DRC11: variants seen among roughly 807,000 people sequenced by gnomAD.
DRC11 encodes IQ and AAA domain-containing protein 1.
At chr2:236,371,472 G>A in the DRC11 span, among the ~76,000 whole-genome samples, 3,465 of 152,138 alleles carry the variant, frequency 0.023, 55 homozygotes, top group Non-Finnish European at 0.032. This position sits in a 1 kb window ranked among gnomAD's most constrained non-coding sequence, Gnocchi z 5.1. Context: ...GCATTCCCAA[G>A]CCCCCTGAGT....
At chr2:236,307,083 C>G in the DRC11 span, among the ~76,000 whole-genome samples, 3 of 152,148 alleles carry the variant, frequency 2.0e-5, no homozygotes, top group Non-Finnish European at 4.4e-5. The surrounding 1 kb of genome is among the most constrained non-coding windows in gnomAD (Gnocchi z 7.0). Context: ...TCCTCAGAGT[C>G]AGGTCCTTCC....
the DRC11 span, among the ~76,000 whole-genome samples, chr2:236,414,685 G>A: frequency 4.6e-5 from 7 of 152,086 alleles, no homozygotes; most frequent in Non-Finnish European, 8.8e-5. Flanking sequence ...ATCCCAGAAT[G>A]TTCTGTTTTC....
the DRC11 span, among the ~76,000 whole-genome samples, chr2:236,336,584 G>T: frequency 6.6e-6 from 1 of 151,856 alleles, no homozygotes; most frequent in Admixed American, 6.6e-5. This position sits in a 1 kb window ranked among gnomAD's most constrained non-coding sequence, Gnocchi z 7.3. Context: ...CCTCCCCAGA[G>T]CCACCCACAC....
the DRC11 span, among the ~76,000 whole-genome samples, chr2:236,482,930 T>G: frequency 6.6e-6 from 1 of 152,190 alleles, no homozygotes; most frequent in African/African-American, 2.4e-5. This position sits in a 1 kb window ranked among gnomAD's most constrained non-coding sequence, Gnocchi z 4.5. Flanking sequence ...TAACTATTTT[T>G]CAGTGTGCCA....
the DRC11 span, among the ~76,000 whole-genome samples, chr2:236,413,093 A>T: frequency 6.6e-6 from 1 of 152,108 alleles, no homozygotes; most frequent in African/African-American, 2.4e-5. This position sits in a 1 kb window ranked among gnomAD's most constrained non-coding sequence, Gnocchi z 4.0. Flanking sequence ...GGTGCCTAAG[A>T]TCATCACTCT....
At chr2:236,380,537 G>A in the DRC11 span, 154 of 1,516,148 alleles carry the variant, frequency 1.0e-4, 2 homozygotes, top group South Asian at 1.2e-3. The surrounding 1 kb of genome is among the most constrained non-coding windows in gnomAD (Gnocchi z 4.9). Context: ...GGCTGCTCAC[G>A]CGCATCACAA....
the DRC11 span, among the ~76,000 whole-genome samples, chr2:236,432,535 T>C: frequency 4.1e-4 from 63 of 152,318 alleles, no homozygotes; most frequent in African/African-American, 1.3e-3. Context: ...TTATTATGTT[T>C]CGAATTCATT....
At chr2:236,438,394 T>C in the DRC11 span, among the ~76,000 whole-genome samples, 16 of 147,912 alleles carry the variant, frequency 1.1e-4, no homozygotes, top group Middle Eastern at 3.2e-3. Flanking sequence ...CCAGCTTTGT[T>C]CTTTTGGCTT....
chr2:236,393,740 G>A, the DRC11 span, among the ~76,000 whole-genome samples: 1 of 152,178 alleles, frequency 6.6e-6, no homozygotes, highest in African/African-American at 2.4e-5. This position sits in a 1 kb window ranked among gnomAD's most constrained non-coding sequence, Gnocchi z 4.7. Flanking sequence ...GGGAGACTCT[G>A]AGGCAAACTC....
At chr2:236,399,267 G>C in the DRC11 span, 2 of 697,154 alleles carry the variant, frequency 2.9e-6, no homozygotes, top group Admixed American at 4.9e-5. This position sits in a 1 kb window ranked among gnomAD's most constrained non-coding sequence, Gnocchi z 7.0. Context: ...TGGGATTACA[G>C]GCGCAAGCCA....
At chr2:236,389,531 TGCG>T in the DRC11 span, among the ~76,000 whole-genome samples, 6 of 152,138 alleles carry the variant, frequency 3.9e-5, no homozygotes, top group Non-Finnish European at 7.4e-5. Flanking sequence ...TCGCGACCGG[TGCG>T]CGCACCCACT....
the DRC11 span, chr2:236,408,941 G>C: frequency 1.4e-6 from 1 of 694,462 alleles, no homozygotes; most frequent in Non-Finnish European, 2.7e-6. This position sits in a 1 kb window ranked among gnomAD's most constrained non-coding sequence, Gnocchi z 5.5. Flanking sequence ...TGTATCCCAG[G>C]AAGGCTGCGA....
At chr2:236,485,751 A>C in the DRC11 span, among the ~76,000 whole-genome samples, 1 of 152,334 alleles carries the variant, frequency 6.6e-6, no homozygotes, top group Admixed American at 6.5e-5. Flanking sequence ...TGGGATCTGC[A>C]GGAAGGCCAA....
chr2:236,308,836 C>T, the DRC11 span, among the ~76,000 whole-genome samples: 2 of 152,188 alleles, frequency 1.3e-5, no homozygotes, highest in African/African-American at 2.4e-5. This position sits in a 1 kb window ranked among gnomAD's most constrained non-coding sequence, Gnocchi z 6.0. Flanking sequence ...TATTGGACCA[C>T]CACACTGTGC....
the DRC11 span, among the ~76,000 whole-genome samples, chr2:236,489,094 T>C: frequency 1.6e-5 from 2 of 127,166 alleles, no homozygotes; most frequent in African/African-American, 3.1e-5. Context: ...GTGTGGGCTC[T>C]GGGTGCAGGT....
chr2:236,338,344 G>A, the DRC11 span: 1 of 1,613,938 alleles, frequency 6.2e-7, no homozygotes, highest in South Asian at 1.1e-5. Flanking sequence ...GGAGTTTCAG[G>A]ATTTGGGGAA....
the DRC11 span, among the ~76,000 whole-genome samples, chr2:236,320,699 A>T: frequency 0.2 from 30,350 of 152,076 alleles, 7,523 homozygotes; most frequent in African/African-American, 0.58. Flanking sequence ...TGAGGGTTAA[A>T]GGTATTAATT....
chr2:236,436,353 AG>A, the DRC11 span, among the ~76,000 whole-genome samples: 3 of 151,970 alleles, frequency 2.0e-5, no homozygotes, highest in South Asian at 4.2e-4. Context: ...TTGCTATTTG[AG>A]TTTTGTGTAG....
At chr2:236,342,927 T>C in the DRC11 span, among the ~76,000 whole-genome samples, 1 of 152,114 alleles carries the variant, frequency 6.6e-6, no homozygotes, top group Non-Finnish European at 1.5e-5. This position sits in a 1 kb window ranked among gnomAD's most constrained non-coding sequence, Gnocchi z 5.8. Flanking sequence ...TAATGGGAAG[T>C]GAACAGAGAA....
Sources: allele counts gnomAD v4.1 joint callset (sites outside exome capture counted in the v4.1 genomes callset), GRCh38; gene constraint gnomAD v4.1.1; non-coding constraint Gnocchi (gnomAD v3.1); transcripts MANE v1.5; gene names NCBI Gene and HGNC (gene_info 2026-07-23, HGNC 2026-07-21).